The following USP43 variants were observed in gnomAD, a reference collection of about 807,000 sequenced individuals.
USP43 encodes ubiquitin carboxyl-terminal hydrolase 43.
Under a neutral mutation model 90.7 loss-of-function variants are expected in USP43, and 33 were observed. That is an observed-to-expected ratio of 0.36 (90% CI 0.28 to 0.49). The LOEUF (loss-of-function observed/expected upper bound fraction) is 0.49. Among genes scored for constraint, USP43 ranks in the 20% least tolerant of loss-of-function variants. USP43 has a pLI of 0.98. For synonymous variants in USP43, 598 were observed against 615.8 expected (o/e 0.97, Z 0.43); for missense variants, 1,274 against 1,476.4 (o/e 0.86, Z 2.25).
intron 14 of USP43, among the ~76,000 whole-genome samples, chr17:9,719,086 C>T (rs111399213): frequency 8.5e-5 from 13 of 152,136 alleles, no homozygotes; most frequent in African/African-American, 1.7e-4. Context: ...TGAGCTCGCA[C>T]CATTGCGCTC....
At position 9,686,631 on chromosome 17, in the gene USP43, C is replaced by T. The variant is rs1464549736; in HGVS notation, c.1242-167C>T. On this transcript the variant is annotated intron_variant, in intron 7 of 14. Coordinates refer to ENST00000285199, the MANE Select transcript of USP43 (RefSeq NM_153210.5). This position sits in a 1 kb window ranked among gnomAD's most constrained non-coding sequence, Gnocchi z 5.5. ...AGAAATGTCTATTCAGACCCTTTGC[C>T]CATTTTTAAATGGGATTCTTTGGTT... is the stretch of plus-strand genomic sequence containing the variant. 6.6e-6 allele frequency among the ~76,000 whole-genome samples: 1 copy of T among 152,052 alleles called. No homozygotes were observed. The highest frequency in any genetic ancestry group is 1.9e-4 in the East Asian group (1 of 5,190).
chr17:9,726,590 A>G (rs993234003), intron 14 of USP43, among the ~76,000 whole-genome samples: 6 of 152,076 alleles, frequency 3.9e-5, no homozygotes, highest in African/African-American at 1.2e-4. Context: ...CTCTTCTTAG[A>G]AGGTCACTAA....
In USP43 at chr17:9,680,361, T is replaced by G. The variant is rs755872739; in HGVS notation, c.1100T>G (p.Leu367Arg). The change falls in exon 6 of 15, where the codon CTC (leucine) becomes CGC (arginine). Residue 367 changes from leucine (L) to arginine (R), a missense_variant. Transcript: ENST00000285199. ...QVPPSPSQGT[L>R]SAHPLGLSAS... ...CCTCCCTCACCCAGCCAGGGGACTCTCTCAGGTATAACAGGTGCTTTGCAC... is the reference window on the plus strand; with the variant it reads ...CCTCCCTCACCCAGCCAGGGGACTCGCTCAGGTATAACAGGTGCTTTGCAC... 2 of 1,613,932 alleles carry G rather than the reference T, an allele frequency of 1.2e-6. No homozygotes were observed. The highest frequency in any genetic ancestry group is 1.1e-5 in the South Asian group (1 of 91,072).
intron 13 of USP43, 57 bp downstream of exon 13, chr17:9,710,171 G>A: frequency 7.3e-7 from 1 of 1,370,338 alleles, no homozygotes; most frequent in Non-Finnish European, 9.5e-7. Flanking sequence ...TTAAGAACTG[G>A]GAAGAGGCTC....
intron 2 of USP43, among the ~76,000 whole-genome samples, chr17:9,665,582 A>ATGTGGGGAT (rs1912988578): frequency 6.6e-6 from 1 of 152,288 alleles, no homozygotes. Flanking sequence ...CTCTCTAGAC[A>ATGTGGGGAT]TGTGGGGATT....
chr17:9,646,285 T>C (rs1426659986), intron 1 of USP43, 149 bp downstream of exon 1: 1 of 1,070,274 alleles, frequency 9.3e-7, no homozygotes, highest in African/African-American at 1.7e-5. Flanking sequence ...TTTGAGTCGA[T>C]GTGTTACGCT....
intron 12 of USP43, among the ~76,000 whole-genome samples, chr17:9,704,336 T>G (rs1044584407): frequency 6.6e-6 from 1 of 152,174 alleles, no homozygotes; most frequent in African/African-American, 2.4e-5. Context: ...GGAATCTTGC[T>G]CTGTCACCCA....
intron 4 of USP43, among the ~76,000 whole-genome samples, chr17:9,676,363 TA>T (rs1913777215): frequency 6.6e-6 from 1 of 152,034 alleles, no homozygotes; most frequent in Admixed American, 6.6e-5. Flanking sequence ...CTTGATCCAT[TA>T]TCTTTCTTTC....
intron 7 of USP43, among the ~76,000 whole-genome samples, chr17:9,684,148 T>A (rs994075009): frequency 2.0e-5 from 3 of 151,424 alleles, no homozygotes; most frequent in East Asian, 1.9e-4. Flanking sequence ...AAAAAATTAA[T>A]AAATAAAAAA....
At chr17:9,707,473 C>T (rs1013018643) in intron 12 of USP43, among the ~76,000 whole-genome samples, 9 of 151,890 alleles carry the variant, frequency 5.9e-5, no homozygotes, top group African/African-American at 2.2e-4. Flanking sequence ...GGTGAAACCC[C>T]GTCTCTAATA....
At chr17:9,648,940 T>C (rs1285106479) in intron 1 of USP43, among the ~76,000 whole-genome samples, 1 of 119,736 alleles carries the variant, frequency 8.4e-6, no homozygotes, top group Admixed American at 7.7e-5. Flanking sequence ...TCTCTCTCCC[T>C]CTCTCTCTCT....
In USP43 at chr17:9,676,883, T is replaced by C. The variant is rs1165928309; in HGVS notation, c.969+2T>C. 6.2e-7 allele frequency: 1 copy of C among 1,612,906 alleles called. No homozygotes were observed. Among genetic ancestry groups the C allele is most frequent in the Non-Finnish European group, 8.5e-7 (1 of 1,179,524 alleles). Reference sequence around the variant, plus strand: ...GAAGGAGGCGTCCCTGCAGATGAGGTGTGATAGAATTGCACTGGGGCCTGG... The same window carrying C: ...GAAGGAGGCGTCCCTGCAGATGAGGCGTGATAGAATTGCACTGGGGCCTGG... On this transcript the variant is annotated splice_donor_variant, in intron 5 of 14. Transcript: ENST00000285199. LOFTEE classifies it high-confidence loss of function.
intron 2 of USP43, among the ~76,000 whole-genome samples, chr17:9,664,636 A>ATTT (rs371778793): frequency 3.0e-5 from 4 of 134,216 alleles, no homozygotes; most frequent in Admixed American, 1.5e-4. Flanking sequence ...CCTTGCATAG[A>ATTT]TTTTTTTTTT....
chr17:9,695,020 T>C (rs1007713427), intron 9 of USP43, among the ~76,000 whole-genome samples: 6 of 152,198 alleles, frequency 3.9e-5, no homozygotes, highest in Admixed American at 6.5e-5. Context: ...GCGCTAGAAT[T>C]GAGTAGAGTT....
chr17:9,666,563 G>GA (rs1913049166), intron 2 of USP43, 85 bp from the exon 3 acceptor site: 1 of 1,103,762 alleles, frequency 9.1e-7, no homozygotes, highest in African/African-American at 1.6e-5. Context: ...GCGGGCCCAG[G>GA]AGGAAGCATG....
At chr17:9,704,791 C>T (rs75773733) in intron 12 of USP43, among the ~76,000 whole-genome samples, 5,444 of 151,640 alleles carry the variant, frequency 0.036, 132 homozygotes, top group Non-Finnish European at 0.056. Flanking sequence ...TGTGTTGAAC[C>T]CCTTCCTTGC....
chr17:9,674,287 G>GT lies in USP43; in HGVS notation c.741-603dup, dbSNP rs1453354430. 6.6e-6 allele frequency among the ~76,000 whole-genome samples: 1 copy of GT among 152,158 alleles called. No homozygotes were observed. ...TTAAAAAAACGGAGGTGAAAGTCCT[G>GT]TAACATAAAGTTAAGCATTCTAAAG... is the stretch of plus-strand genomic sequence containing the variant. On this transcript the variant is annotated intron_variant, in intron 3 of 14. Transcript: ENST00000285199. The surrounding 1 kb of genome is among the most constrained non-coding windows in gnomAD (Gnocchi z 4.4).
intron 14 of USP43, among the ~76,000 whole-genome samples, chr17:9,725,871 G>A (rs909024647): frequency 3.3e-5 from 5 of 152,130 alleles, no homozygotes; most frequent in African/African-American, 1.2e-4. Context: ...GTCCCTTTCT[G>A]CCCTTCCCAG....
rs1338736397 is a variant in USP43 at position 9,729,019 on chromosome 17, G to T, written c.*29G>T. The T allele has an allele frequency of 6.7e-7, 1 of 1,491,200 alleles. No individual in the cohort carries two copies. Among genetic ancestry groups the T allele is most frequent in the Non-Finnish European group, 9.0e-7 (1 of 1,117,264 alleles). 92.4% of individuals were successfully genotyped at this position (1,491,200 alleles called of 1,614,324 possible). ...AGCGTGTCAGTATTGTGTGACGCTG[G>T]CATTCTTGGGACTTTGCCAAGCAAC... On this transcript the variant is annotated 3_prime_UTR_variant, in exon 15 of 15. Transcript: ENST00000285199.
Sources: allele counts gnomAD v4.1 joint callset (sites outside exome capture counted in the v4.1 genomes callset), GRCh38; gene constraint gnomAD v4.1.1; non-coding constraint Gnocchi (gnomAD v3.1); transcripts MANE v1.5; gene names NCBI Gene and HGNC (gene_info 2026-07-23, HGNC 2026-07-21).